DCHS2: variants seen among roughly 807,000 people sequenced by gnomAD.
DCHS2 encodes protocadherin-23.
A neutral mutation model predicts 182.4 loss-of-function variants in DCHS2; 142 were observed. The ratio of observed to expected loss-of-function variants is 0.78; its 90% CI spans 0.68 to 0.89. The LOEUF (loss-of-function observed/expected upper bound fraction) is 0.89. Ranked by LOEUF, DCHS2 falls within the 40% of genes least tolerant of loss-of-function variation. The pLI, the probability that DCHS2 is intolerant of heterozygous loss-of-function variation, is 0.00. For synonymous variants in DCHS2, 1,740 were observed against 1,663.3 expected (o/e 1.05, Z -1.12); for missense variants, 4,319 against 4,198.6 (o/e 1.03, Z -0.79).
At chr4:154,460,719 G>T (rs1734977842) in intron 1 of DCHS2, among the ~76,000 whole-genome samples, 1 of 152,028 alleles carries the variant, frequency 6.6e-6, no homozygotes, top group Admixed American at 6.6e-5. Flanking sequence ...AAAGTTAAAT[G>T]GTATTGCCTA....
At chr4:154,289,375 A>G (rs989356437) in intron 13 of DCHS2, among the ~76,000 whole-genome samples, 5 of 152,066 alleles carry the variant, frequency 3.3e-5, no homozygotes, top group African/African-American at 1.2e-4. Context: ...TAACCTACCA[A>G]TATTGAACTA....
At chr4:154,488,280 G>A (rs1036799415) in intron 1 of DCHS2, among the ~76,000 whole-genome samples, 6 of 151,364 alleles carry the variant, frequency 4.0e-5, no homozygotes, top group African/African-American at 1.2e-4. Flanking sequence ...GAGAGATCAG[G>A]AAAACTACAA....
In DCHS2 at chr4:154,489,980, C is replaced by A. The variant is rs1253425210; in HGVS notation, c.1376G>T (p.Gly459Val). ...EKEDEATGEL[G>V]VGLGDGSISL... ...GATGCTCCCGTCTCCAAGACCCACA[C>A]CAAGCTCCCCTGTGGCCTCATCTTC... Residue 459 changes from glycine to valine, a missense_variant, in exon 1 of 20, where the codon GGT becomes GTT. Gly to Val is a moderately radical substitution (Grantham distance 109, BLOSUM62 -3). Transcript: ENST00000357232. The A allele has an allele frequency of 1.3e-6, 2 of 1,549,402 alleles. No individual in the cohort carries two copies. Among genetic ancestry groups the A allele is most frequent in the Non-Finnish European group, 1.7e-6 (2 of 1,146,160 alleles).
At chr4:154,442,038 T>C (rs1356333425) in intron 1 of DCHS2, among the ~76,000 whole-genome samples, 2 of 152,094 alleles carry the variant, frequency 1.3e-5, no homozygotes, top group Non-Finnish European at 2.9e-5. Flanking sequence ...TCATCAAATA[T>C]ACCATACTCA....
intron 1 of DCHS2, among the ~76,000 whole-genome samples, chr4:154,442,109 G>A (rs747963951): frequency 2.0e-5 from 3 of 151,946 alleles, no homozygotes; most frequent in Non-Finnish European, 4.4e-5. Context: ...CCTTGTTACC[G>A]CTGGTGACAA....
At position 154,235,877 on chromosome 4, in the gene DCHS2, G is replaced by T. The variant is rs948460639; in HGVS notation, c.8775C>A (p.Phe2925Leu). The T allele has an allele frequency of 6.2e-6, 10 of 1,613,908 alleles. No homozygotes were observed. In the African/African-American group the frequency reaches 1.2e-4, roughly 19 times the overall value. ...ILYSLGTSSP[F>L]FSVNKTNGNI... ...TTCCATTGGTTTTATTTACTGAAAA[G>T]AAAGGAGATGAGGTTCCAAGGGAGT... The change falls in exon 20 of 20, where the codon TTC (phenylalanine) becomes TTA (leucine). Residue 2925 changes from phenylalanine to leucine, a missense_variant. By Grantham distance (22) the Phe-to-Leu change is conservative (BLOSUM62 0). Coordinates refer to ENST00000357232, the MANE Select transcript of DCHS2 (RefSeq NM_001358235.2).
intron 13 of DCHS2, among the ~76,000 whole-genome samples, chr4:154,289,188 C>G (rs893677175): frequency 2.6e-5 from 4 of 151,880 alleles, no homozygotes; most frequent in African/African-American, 9.7e-5. Context: ...ATCAACAAAC[C>G]TTTAGCCAGA....
At chr4:154,437,824 C>A (rs1473935140) in intron 1 of DCHS2, among the ~76,000 whole-genome samples, 2 of 151,994 alleles carry the variant, frequency 1.3e-5, no homozygotes, top group African/African-American at 4.8e-5. Flanking sequence ...TCCAAAAATT[C>A]TTTTTTCTTA....
chr4:154,419,246 A>G (rs1186919520), intron 1 of DCHS2, among the ~76,000 whole-genome samples: 1 of 152,248 alleles, frequency 6.6e-6, no homozygotes. Flanking sequence ...GTGTGTTTAT[A>G]CAGAAAATAG....
At chr4:154,313,806 G>A (rs981988823) in intron 10 of DCHS2, among the ~76,000 whole-genome samples, 1 of 152,138 alleles carries the variant, frequency 6.6e-6, no homozygotes, top group Non-Finnish European at 1.5e-5. Context: ...GACTCATGAA[G>A]ATGTTAATGT....
In DCHS2 at chr4:154,428,896, C is replaced by T. The variant is rs373620700; in HGVS notation, c.2053-51452G>A. On this transcript the variant is annotated intron_variant, in intron 1 of 19. Transcript: ENST00000357232. ...TCAGCCTGGGCCCTGGGTGACAGAG[C>T]GAGACTCCATCTCAAAGAAAAAAAA... Among the ~76,000 whole-genome samples the T allele has an allele frequency of 4.1e-4, 62 of 150,652 alleles. No homozygotes were observed. In the South Asian group the frequency reaches 0.012, roughly 29 times the overall value.
chr4:154,445,064 G>C lies in DCHS2; in HGVS notation c.2052+44240C>G, dbSNP rs139427768. 4.5e-3 allele frequency among the ~76,000 whole-genome samples: 683 copies of C among 152,274 alleles called. 4 individuals carry two copies. Among genetic ancestry groups the C allele is most frequent in the Non-Finnish European group, 6.4e-3 (437 of 68,030 alleles). ...GCCTTCCTGACCACCTTATCTGAAA[G>C]AGCAATGGCTGTCACTCCGTCTCCT... On this transcript the variant is annotated intron_variant, in intron 1 of 19. Coordinates refer to ENST00000357232, the MANE Select transcript of DCHS2 (RefSeq NM_001358235.2).
chr4:154,335,111 A>C lies in DCHS2; in HGVS notation c.2477-7T>G. The C allele has an allele frequency of 6.4e-7, 1 of 1,559,526 alleles. No homozygotes were observed. Among genetic ancestry groups the C allele is most frequent in the Non-Finnish European group, 8.8e-7 (1 of 1,130,362 alleles). On this transcript the variant is annotated splice_region_variant and splice_polypyrimidine_tract_variant and intron_variant, in intron 3 of 19. Transcript: ENST00000357232. ...AATGTTAAGTAAATAATTCCTGGGT[A>C]GGGAAAAGAAAACATTGGTAAACAG...
At chr4:154,435,877 C>A (rs1361741613) in intron 1 of DCHS2, among the ~76,000 whole-genome samples, 1 of 152,116 alleles carries the variant, frequency 6.6e-6, no homozygotes, top group Non-Finnish European at 1.5e-5. Context: ...TGATGAGAAA[C>A]CTGAAATAGG....
At chr4:154,290,289 A>C (rs1022742798) in intron 13 of DCHS2, among the ~76,000 whole-genome samples, 3 of 152,082 alleles carry the variant, frequency 2.0e-5, no homozygotes, top group Non-Finnish European at 4.4e-5. Flanking sequence ...AAAAAAATTG[A>C]GGAGGCTTCA....
chr4:154,396,633 AT>A (rs1187728212), intron 1 of DCHS2, among the ~76,000 whole-genome samples: 1 of 151,992 alleles, frequency 6.6e-6, no homozygotes, highest in African/African-American at 2.4e-5. Context: ...ATTCTCTTTT[AT>A]TTTTTGCAAT....
Position 154,236,031 on chromosome 4 carries a change from T to A in DCHS2, c.8621A>T (p.Asp2874Val). Residue 2874 changes from aspartate (D) to valine (V), a missense_variant, in exon 20 of 20, where the codon GAT (aspartate) becomes GTT (valine). Transcript: ENST00000357232. ...TTGAGTGAAAATGGGCTCAAATTCA[T>A]CTATCCCTTCAATATCCACCCAGAC... ...LVVWVDIEGI[D>V]EFEPIFTQDQ... The A allele has an allele frequency of 1.9e-6, 3 of 1,613,934 alleles. No homozygotes were observed. Among genetic ancestry groups the A allele is most frequent in the Non-Finnish European group, 2.5e-6 (3 of 1,179,946 alleles).
chr4:154,343,398 C>G lies in DCHS2; in HGVS notation c.2477-8294G>C, dbSNP rs376347292. 60 of 1,287,872 alleles carry G rather than the reference C, an allele frequency of 4.7e-5. 1 individual carries two copies. In the East Asian group the frequency reaches 4.8e-4, roughly 10 times the overall value. The allele number at this position is 1,287,872 out of a possible 1,614,324, so 79.8% of individuals were successfully genotyped here. On this transcript the variant is annotated intron_variant, in intron 3 of 19. Transcript: ENST00000357232. The stretch of plus-strand genomic sequence containing the variant: ...ACTTCTCCTCTCTAGCTATGAAAGT[C>G]CTAGATGGCATCTTATTTCATATAA...
rs1382870049 is a variant in DCHS2 at position 154,342,028 on chromosome 4, T to C, written c.2477-6924A>G. 2.0e-5 allele frequency among the ~76,000 whole-genome samples: 3 copies of C among 152,192 alleles called. No individual in the cohort carries two copies. The East Asian group carries it at 5.8e-4, about 29-fold the overall frequency. ...TGAACTTGAAGGGCTCTAGAGGTAC[T>C]GTGGGCTTTATTCCAGACCACTGCA... On this transcript the variant is annotated intron_variant, in intron 3 of 19. Transcript: ENST00000357232.
Sources: allele counts gnomAD v4.1 joint callset (sites outside exome capture counted in the v4.1 genomes callset), GRCh38; gene constraint gnomAD v4.1.1; transcripts MANE v1.5; gene names NCBI Gene and HGNC (gene_info 2026-07-23, HGNC 2026-07-21).